Variants in ZMYM2 observed in about 807,000 individuals in gnomAD.
ZMYM2 encodes zinc finger MYM-type containing 2.
Under a neutral mutation model 162.8 loss-of-function variants are expected in ZMYM2, and 56 were observed. The ratio of observed to expected loss-of-function variants is 0.34; its 90% CI spans 0.28 to 0.43. The LOEUF is 0.43. ZMYM2 is among the 20% of genes least tolerant of loss of function. The pLI is 1.00. For missense variants in ZMYM2, 1,275 were observed against 1,621.8 expected, an observed-to-expected ratio of 0.79 and a Z score of 3.67; for synonymous variants, 510 against 541.6, an observed-to-expected ratio of 0.94 and a Z score of 0.81.
chr13:19,978,335 T>G (rs1264087294), intron 2 of ZMYM2, among the ~76,000 whole-genome samples: 1 of 150,864 alleles, frequency 6.6e-6, no homozygotes, highest in Non-Finnish European at 1.5e-5. Context: ...TACTTCTCTG[T>G]CCTCTTCCTT....
chr13:19,976,336 A>AG (rs1439007423), intron 2 of ZMYM2, among the ~76,000 whole-genome samples: 7 of 150,248 alleles, frequency 4.7e-5, no homozygotes, highest in Non-Finnish European at 7.4e-5. Context: ...CAAAAAAAAA[A>AG]AAAGAAAGAA....
chr13:19,904,150 C>T, the ZMYM2 span, among the ~76,000 whole-genome samples: 1 of 152,014 alleles, frequency 6.6e-6, no homozygotes, highest in South Asian at 2.1e-4. Flanking sequence ...TTTATAGAAT[C>T]ATGGAATTTA....
chr13:19,966,400 C>A (rs1398871312), intron 2 of ZMYM2, among the ~76,000 whole-genome samples: 1 of 151,270 alleles, frequency 6.6e-6, no homozygotes. Context: ...TCCCAAAGTG[C>A]TGGGATTACA....
chr13:19,951,517 C>T, the ZMYM2 span, among the ~76,000 whole-genome samples: 3 of 117,454 alleles, frequency 2.6e-5, no homozygotes, highest in African/African-American at 9.3e-5. Context: ...CGGTGAAACC[C>T]CATCTCTACT....
At position 19,966,960 on chromosome 13, in the gene ZMYM2, C is replaced by T. The variant is rs371719276; in HGVS notation, c.-11+6934C>T. Among the ~76,000 whole-genome samples, 18 of 152,222 alleles carry T rather than the reference C, an allele frequency of 1.2e-4. 1 individual carries two copies. Among genetic ancestry groups the T allele is most frequent in the East Asian group, 3.9e-4 (2 of 5,172 alleles). ...AGTCATTCCATCCTATGTCTCTGTA[C>T]GGTTTTACATTGCTTATGGAAGAGA... On this transcript the variant is annotated intron_variant, in intron 2 of 24. Coordinates refer to ENST00000610343, the MANE Select transcript of ZMYM2 (RefSeq NM_197968.4).
At chr13:20,076,960 C>T (rs919005523) in intron 21 of ZMYM2, among the ~76,000 whole-genome samples, 2 of 150,454 alleles carry the variant, frequency 1.3e-5, no homozygotes, top group South Asian at 2.1e-4. Context: ...CTCAGCCTCC[C>T]GAGTACCTGG....
chr13:19,951,502 C>A, the ZMYM2 span, among the ~76,000 whole-genome samples: 4 of 125,704 alleles, frequency 3.2e-5, no homozygotes, highest in African/African-American at 1.3e-4. Context: ...CCAGCCTGGT[C>A]AACACGGTGA....
intron 7 of ZMYM2, chr13:20,024,919 C>G (rs1218069055): frequency 4.6e-6 from 1 of 215,864 alleles, no homozygotes; most frequent in African/African-American, 2.3e-5. Context: ...AGGAAGTAGG[C>G]AGCGTAAGTG....
At chr13:20,063,068 T>C in intron 18 of ZMYM2, 97 bp downstream of exon 18, 1 of 1,317,534 alleles carries the variant, frequency 7.6e-7, no homozygotes, top group East Asian at 2.7e-5. Context: ...CTTTTAGCAG[T>C]GTTCATATTT....
At chr13:19,980,752 CA>C (rs914320015) in intron 2 of ZMYM2, among the ~76,000 whole-genome samples, 2,335 of 31,216 alleles carry the variant, frequency 0.075, 13 homozygotes, top group East Asian at 0.22. Context: ...GACTCCATCT[CA>C]AAAAAAAAAA....
chr13:19,901,982 T>C, the ZMYM2 span, among the ~76,000 whole-genome samples: 1 of 151,928 alleles, frequency 6.6e-6, no homozygotes, highest in South Asian at 2.1e-4. Context: ...AGATAGAGGG[T>C]CTTGTTGTGT....
At chr13:19,876,269 C>T in the ZMYM2 span, among the ~76,000 whole-genome samples, 346 of 152,058 alleles carry the variant, frequency 2.3e-3, 1 homozygote, top group African/African-American at 8.2e-3. Flanking sequence ...TCCGGTGATC[C>T]GCCCGCCTTT....
At chr13:19,879,083 G>A in the ZMYM2 span, among the ~76,000 whole-genome samples, 1 of 152,082 alleles carries the variant, frequency 6.6e-6, no homozygotes, top group Non-Finnish European at 1.5e-5. Flanking sequence ...TGTAATGAAT[G>A]TTTTCTTTTG....
the ZMYM2 span, among the ~76,000 whole-genome samples, chr13:19,877,868 A>G: frequency 0.082 from 12,534 of 152,228 alleles, 555 homozygotes; most frequent in Middle Eastern, 0.12. Flanking sequence ...ATACAAAGAT[A>G]TCTTGAAGAC....
chr13:20,059,385 A>G, intron 15 of ZMYM2, 62 bp from the exon 16 acceptor site: 15 of 1,561,262 alleles, frequency 9.6e-6, no homozygotes, highest in Non-Finnish European at 1.3e-5. Flanking sequence ...TTATTTTAAC[A>G]TTGAGCACCT....
At chr13:19,932,396 C>T in the ZMYM2 span, among the ~76,000 whole-genome samples, 1 of 152,058 alleles carries the variant, frequency 6.6e-6, no homozygotes, top group African/African-American at 2.4e-5. Flanking sequence ...GCCTGTAATC[C>T]CAGCACTTTG....
intron 7 of ZMYM2, among the ~76,000 whole-genome samples, chr13:20,021,919 T>C (rs957617897): frequency 6.6e-6 from 1 of 152,194 alleles, no homozygotes; most frequent in African/African-American, 2.4e-5. Flanking sequence ...TCATCAGTAC[T>C]CTGTTTCCCA....
At chr13:19,962,515 ATTTTTTTTTT>A (rs1166788980) in intron 2 of ZMYM2, among the ~76,000 whole-genome samples, 3 of 38,916 alleles carry the variant, frequency 7.7e-5, no homozygotes, top group South Asian at 1.1e-3. Context: ...ATATATATAT[ATTTTTTTTTT>A]TTTTTTTTTT....
At chr13:19,989,736 C>G (rs1949456605) in intron 2 of ZMYM2, among the ~76,000 whole-genome samples, 1 of 152,174 alleles carries the variant, frequency 6.6e-6, no homozygotes, top group South Asian at 2.1e-4. Flanking sequence ...GTTGTGCTAT[C>G]AAATAATAGG....
Sources: allele counts gnomAD v4.1 joint callset (sites outside exome capture counted in the v4.1 genomes callset), GRCh38; gene constraint gnomAD v4.1.1; transcripts MANE v1.5; gene names NCBI Gene and HGNC (gene_info 2026-07-23, HGNC 2026-07-21).